Variants in CPE observed in about 807,000 individuals in gnomAD.
The protein encoded by CPE is carbocypeptidase E.
A neutral mutation model predicts 53.5 loss-of-function variants in CPE; 17 were observed. That is an observed-to-expected ratio of 0.32 (90% confidence interval 0.22 to 0.48). The LOEUF (loss-of-function observed/expected upper bound fraction) is 0.48, where lower values mean the gene tolerates loss of function less well. Among genes scored for constraint, CPE ranks in the 20% least tolerant of loss-of-function variants. The pLI, the probability that CPE is intolerant of heterozygous loss-of-function variation, is 0.99. For synonymous variants in CPE, 226 were observed against 228.8 expected, an observed-to-expected ratio of 0.99 and a Z score of 0.11; for missense variants, 524 against 614.7, an observed-to-expected ratio of 0.85 and a Z score of 1.56.
At position 165,481,012 on chromosome 4, in the gene CPE, A is replaced by ATTTT. The variant is rs1332936191; in HGVS notation, c.673-1229_673-1228insTTTT. On this transcript the variant is annotated intron_variant, in intron 3 of 8. Transcript: ENST00000402744. ...CTACAATGGATATATATATATATAT[A>ATTTT]TATATTTTTTTTTTTTTTTTTAGCA... Among the ~76,000 whole-genome samples, 226 of 50,024 alleles carry ATTTT rather than the reference A, an allele frequency of 4.5e-3. 1 individual carries two copies. The highest frequency in any genetic ancestry group is 0.012 in the Middle Eastern group (1 of 82). 32.8% of individuals were successfully genotyped at this position (50,024 alleles called of 152,430 possible).
chr4:165,444,115 G>A (rs927459020), intron 1 of CPE, among the ~76,000 whole-genome samples: 4 of 152,118 alleles, frequency 2.6e-5, no homozygotes, highest in East Asian at 1.9e-4. Context: ...CAAGCCAGGC[G>A]TCAACATATG....
At chr4:165,418,022 T>G (rs28638079) in intron 1 of CPE, among the ~76,000 whole-genome samples, 44,961 of 152,068 alleles carry the variant, frequency 0.3, 6,738 homozygotes, top group Middle Eastern at 0.39. Context: ...TTCTGACAGG[T>G]GGACTGAGAG....
chr4:165,401,683 T>C (rs987190655), intron 1 of CPE, among the ~76,000 whole-genome samples: 3 of 152,224 alleles, frequency 2.0e-5, no homozygotes, highest in Admixed American at 6.5e-5. Flanking sequence ...ACATCTGCCT[T>C]CCTGAGTGGA....
At chr4:165,414,931 T>TA (rs960283236) in intron 1 of CPE, among the ~76,000 whole-genome samples, 252 of 145,020 alleles carry the variant, frequency 1.7e-3, no homozygotes, top group African/African-American at 3.7e-3. Context: ...AGCCATTATT[T>TA]AAAAAAAAAA....
intron 1 of CPE, among the ~76,000 whole-genome samples, chr4:165,451,577 C>T (rs546441491): frequency 1.3e-4 from 20 of 152,204 alleles, no homozygotes; most frequent in African/African-American, 4.8e-4. Flanking sequence ...CTGCAACCTC[C>T]ACCTCCCAGG....
chr4:165,422,375 ATTGTTTGGTTCC>A (rs1463338381), intron 1 of CPE, among the ~76,000 whole-genome samples: 2 of 151,968 alleles, frequency 1.3e-5, no homozygotes, highest in Non-Finnish European at 2.9e-5. Context: ...ACAATAAAAA[ATTGTTTGGTTCC>A]TTTATTTTTA....
chr4:165,395,853 T>C (rs17046392), intron 1 of CPE, among the ~76,000 whole-genome samples: 3,288 of 152,314 alleles, frequency 0.022, 107 homozygotes, highest in African/African-American at 0.074. Flanking sequence ...ACACTTGTCA[T>C]GAAAGGTTTG....
chr4:165,496,085 G>C (rs1372603226), intron 8 of CPE, among the ~76,000 whole-genome samples: 1 of 152,016 alleles, frequency 6.6e-6, no homozygotes, highest in Non-Finnish European at 1.5e-5. Flanking sequence ...TATTTTATGT[G>C]CAAGGCTCTC....
At chr4:165,417,694 G>A (rs145936862) in intron 1 of CPE, among the ~76,000 whole-genome samples, 2,211 of 151,012 alleles carry the variant, frequency 0.015, 52 homozygotes, top group African/African-American at 0.05. Context: ...TAAATGTGAA[G>A]CCTCACCATT....
intron 2 of CPE, among the ~76,000 whole-genome samples, chr4:165,465,707 C>T (rs1223466234): frequency 6.6e-6 from 1 of 152,024 alleles, no homozygotes; most frequent in African/African-American, 2.4e-5. Flanking sequence ...AGAAATTCCT[C>T]AAATCATAAA....
intron 1 of CPE, among the ~76,000 whole-genome samples, chr4:165,445,153 G>A (rs1731683978): frequency 6.6e-6 from 1 of 151,998 alleles, no homozygotes. Flanking sequence ...ACGAGGTTTT[G>A]CCCTGTTGGC....
chr4:165,467,985 G>A (rs1239377786), intron 3 of CPE, 130 bp downstream of exon 3: 1 of 1,036,974 alleles, frequency 9.6e-7, no homozygotes, highest in African/African-American at 1.6e-5. Context: ...GTGGCTTTAA[G>A]TCAAGGCTGG....
intron 1 of CPE, chr4:165,404,690 G>A: frequency 6.5e-6 from 6 of 923,940 alleles, no homozygotes; most frequent in Non-Finnish European, 1.1e-5. Context: ...GATGACTTCA[G>A]ACATCATGGG....
At chr4:165,381,924 C>T (rs970873924) in intron 1 of CPE, among the ~76,000 whole-genome samples, 1 of 152,194 alleles carries the variant, frequency 6.6e-6, no homozygotes, top group African/African-American at 2.4e-5. Context: ...TTTTTTTGAG[C>T]ACCTGTATAC....
intron 6 of CPE, among the ~76,000 whole-genome samples, chr4:165,489,870 A>G (rs73863709): frequency 0.041 from 6,295 of 152,306 alleles, 394 homozygotes; most frequent in African/African-American, 0.14. Context: ...ATGCCACGCA[A>G]AATAAGAATT....
At position 165,486,420 on chromosome 4, in the gene CPE, AT is replaced by A. The variant is rs565928174; in HGVS notation, c.974-1016del. 4.2e-3 allele frequency among the ~76,000 whole-genome samples: 638 copies of A among 152,238 alleles called. 3 individuals are homozygous for A. The highest frequency in any genetic ancestry group is 0.015 in the African/African-American group (612 of 41,520). ...ATCTTGTATGTAATTCAACTCAGGG[AT>A]TGTTGAATTAGCATATAGTGTGAAA... On this transcript the variant is annotated intron_variant, in intron 5 of 8. Coordinates refer to ENST00000402744, the MANE Select transcript of CPE (RefSeq NM_001873.4).
At chr4:165,411,664 A>T (rs1422857752) in intron 1 of CPE, among the ~76,000 whole-genome samples, 1 of 152,184 alleles carries the variant, frequency 6.6e-6, no homozygotes, top group East Asian at 1.9e-4. Flanking sequence ...GGGTTTTCTC[A>T]TGGAGACCTC....
At chr4:165,380,076 T>C (rs1730482979) in intron 1 of CPE, among the ~76,000 whole-genome samples, 1 of 152,206 alleles carries the variant, frequency 6.6e-6, no homozygotes, top group Admixed American at 6.5e-5. Context: ...ATTGGCTCTG[T>C]GTACCCATCT....
intron 1 of CPE, among the ~76,000 whole-genome samples, chr4:165,443,822 C>T (rs1428751257): frequency 6.6e-6 from 1 of 152,154 alleles, no homozygotes; most frequent in African/African-American, 2.4e-5. Context: ...AATGTGATGG[C>T]ATGAGGGGAA....
Sources: allele counts gnomAD v4.1 joint callset (sites outside exome capture counted in the v4.1 genomes callset), GRCh38; gene constraint gnomAD v4.1.1; transcripts MANE v1.5; gene names NCBI Gene and HGNC (gene_info 2026-07-23, HGNC 2026-07-21).